Variants in VPS54 observed in about 807,000 individuals in gnomAD.
VPS54 encodes vacuolar protein sorting-associated protein 54.
VPS54 carries 45 observed loss-of-function variants against 121.5 expected under a neutral mutation model. That is an observed-to-expected ratio of 0.37 (90% CI 0.29 to 0.47). The LOEUF (loss-of-function observed/expected upper bound fraction) is 0.47. VPS54 is among the 20% of genes least tolerant of loss of function. The pLI, the probability that VPS54 is intolerant of heterozygous loss-of-function variation, is 0.99. For synonymous variants in VPS54, 371 were observed against 385.8 expected, an observed-to-expected ratio of 0.96 and a Z score of 0.45; for missense variants, 1,090 against 1,131.4, an observed-to-expected ratio of 0.96 and a Z score of 0.52.
intron 11 of VPS54, among the ~76,000 whole-genome samples, chr2:63,938,061 T>G (rs148749462): frequency 8.4e-6 from 1 of 119,256 alleles, no homozygotes; most frequent in Non-Finnish European, 2.0e-5. Context: ...GTGTGTGTGG[T>G]GTGTGTGTGT....
chr2:63,935,726 A>G (rs1674424077), intron 11 of VPS54, among the ~76,000 whole-genome samples: 1 of 152,156 alleles, frequency 6.6e-6, no homozygotes, highest in Non-Finnish European at 1.5e-5. Context: ...ATGAGAAGAA[A>G]ATCCAGATTT....
At chr2:63,916,431 G>A (rs1367313026) in intron 16 of VPS54, among the ~76,000 whole-genome samples, 1 of 152,112 alleles carries the variant, frequency 6.6e-6, no homozygotes, top group Admixed American at 6.5e-5. Flanking sequence ...CTTATTAGGT[G>A]CTAGACCTGT....
At chr2:63,964,216 T>G (rs536780289) in intron 6 of VPS54, among the ~76,000 whole-genome samples, 3 of 152,176 alleles carry the variant, frequency 2.0e-5, no homozygotes, top group African/African-American at 7.2e-5. Flanking sequence ...GGAGTCAGAA[T>G]GTAAATATAG....
chr2:63,979,475 A>G (rs557662230), intron 3 of VPS54, among the ~76,000 whole-genome samples: 2 of 152,182 alleles, frequency 1.3e-5, no homozygotes, highest in East Asian at 3.9e-4. Flanking sequence ...TCCTGACCTC[A>G]GGTGATCCAC....
At chr2:64,018,491 G>A (rs1462906559) in intron 1 of VPS54, among the ~76,000 whole-genome samples, 1 of 152,164 alleles carries the variant, frequency 6.6e-6, no homozygotes, top group African/African-American at 2.4e-5. Context: ...GCAAAATACT[G>A]AGTAACTCTT....
At chr2:63,930,147 A>G (rs968279028) in intron 12 of VPS54, among the ~76,000 whole-genome samples, 2 of 152,076 alleles carry the variant, frequency 1.3e-5, no homozygotes, top group African/African-American at 2.4e-5. Context: ...GAGGGAATCC[A>G]CCCTAACTCA....
At chr2:63,998,380 A>G (rs1677707664) in intron 1 of VPS54, among the ~76,000 whole-genome samples, 1 of 152,142 alleles carries the variant, frequency 6.6e-6, no homozygotes, top group Non-Finnish European at 1.5e-5. Flanking sequence ...ATGTCTTGTG[A>G]TTGGAGAGTT....
chr2:63,909,417 T>C (rs77720564), intron 20 of VPS54, among the ~76,000 whole-genome samples: 1 of 71,378 alleles, frequency 1.4e-5, no homozygotes, highest in Non-Finnish European at 3.5e-5. Flanking sequence ...AGCTGCCTTT[T>C]TTTTTTTTTT....
chr2:63,992,497 G>A lies in VPS54; in HGVS notation c.-20-8478C>T, dbSNP rs35909875. 9.1e-3 allele frequency among the ~76,000 whole-genome samples: 1,383 copies of A among 152,256 alleles called. 12 individuals are homozygous for A. The highest frequency in any genetic ancestry group is 0.012 in the Non-Finnish European group (841 of 68,028). ...GGTTTAGGTTATCCTTTTTAATGGCGGCCACTGCCACGCCTCCTGATCCTA... is the reference window on the plus strand; with the variant it reads ...GGTTTAGGTTATCCTTTTTAATGGCAGCCACTGCCACGCCTCCTGATCCTA... On this transcript the variant is annotated intron_variant, in intron 1 of 22. Coordinates refer to ENST00000272322, the MANE Select transcript of VPS54 (RefSeq NM_016516.3).
intron 1 of VPS54, among the ~76,000 whole-genome samples, chr2:63,996,722 G>C (rs1677613821): frequency 6.6e-6 from 1 of 152,160 alleles, no homozygotes; most frequent in Non-Finnish European, 1.5e-5. Flanking sequence ...CTCTGGGAGT[G>C]TCTGCCTTAT....
intron 3 of VPS54, among the ~76,000 whole-genome samples, chr2:63,977,859 C>T (rs1048395818): frequency 6.6e-6 from 1 of 152,180 alleles, no homozygotes; most frequent in Non-Finnish European, 1.5e-5. Context: ...AAGAGTTAGG[C>T]TTTATTTACT....
chr2:63,944,686 T>A, intron 9 of VPS54, 31 bp from the exon 10 acceptor site: 1 of 1,556,876 alleles, frequency 6.4e-7, no homozygotes, highest in Non-Finnish European at 8.8e-7. Flanking sequence ...CAAAAACAAT[T>A]TGATTAATTG....
At position 63,991,481 on chromosome 2, in the gene VPS54, C is replaced by T. The variant is rs555101138; in HGVS notation, c.-20-7462G>A. Among the ~76,000 whole-genome samples, 14 of 152,254 alleles carry T rather than the reference C, an allele frequency of 9.2e-5. 2 individuals are homozygous for T. The South Asian group carries it at 2.5e-3, about 27-fold the overall frequency. ...TCTGTGGGCACGGGCCATGAAGGAC[C>T]AATCAAACTGGCCCCACTAATTCTT... On this transcript the variant is annotated intron_variant, in intron 1 of 22. Coordinates refer to ENST00000272322, the MANE Select transcript of VPS54 (RefSeq NM_016516.3).
chr2:63,893,217 CAGTT>C lies in VPS54; in HGVS notation c.*209_*212del, dbSNP rs762717850. On this transcript the variant is annotated 3_prime_UTR_variant, in exon 23 of 23. Transcript: ENST00000272322. Reference sequence around the variant, plus strand: ...ATGAAAAATGTTATAGACACCTGATCAGTTACTCCTCACTGTAGGATGCACAAAA... The same window carrying C: ...ATGAAAAATGTTATAGACACCTGATCACTCCTCACTGTAGGATGCACAAAA... 9.0e-5 allele frequency: 55 copies of C among 613,050 alleles called. No homozygotes were observed. Among genetic ancestry groups the C allele is most frequent in the Non-Finnish European group, 1.5e-4 (51 of 339,334 alleles). The allele number at this position is 613,050 out of a possible 1,614,324, so 38.0% of individuals were successfully genotyped here.
Position 63,893,506 on chromosome 2 carries a change from G to C in VPS54, c.2858C>G (p.Thr953Ser), listed in dbSNP as rs371548391. ...GLVTADVAFYTGNLQALKGLK... is the reference protein window; with the variant it reads ...GLVTADVAFYSGNLQALKGLK... Reference sequence around the variant, plus strand: ...GCCTTTTAAGGCTTGAAGATTTCCAGTGTAAAAAGCTACATCTGCTGTGAC... The same window carrying C: ...GCCTTTTAAGGCTTGAAGATTTCCACTGTAAAAAGCTACATCTGCTGTGAC... The change falls in exon 23 of 23, where the codon ACT (threonine) becomes AGT (serine). Residue 953 changes from threonine to serine, a missense_variant. Physicochemically the swap from Thr to Ser is moderately conservative, Grantham distance 58. Coordinates refer to ENST00000272322, the MANE Select transcript of VPS54 (RefSeq NM_016516.3). 11 of 1,613,848 alleles carry C rather than the reference G, an allele frequency of 6.8e-6. No homozygotes were observed. The highest frequency in any genetic ancestry group is 9.3e-6 in the Non-Finnish European group (11 of 1,179,956).
intron 1 of VPS54, 112 bp from the exon 2 acceptor site, chr2:63,984,131 T>C: frequency 2.2e-6 from 2 of 930,008 alleles, no homozygotes; most frequent in East Asian, 2.8e-5. Context: ...TACCTCAAAG[T>C]AGGCAATTTG....
At chr2:63,920,676 G>C in intron 13 of VPS54, 49 bp from the exon 14 acceptor site, 1 of 1,138,580 alleles carries the variant, frequency 8.8e-7, no homozygotes, top group African/African-American at 1.6e-5. Flanking sequence ...ACCAAATTGA[G>C]TTATGAAACC....
chr2:63,927,140 C>A (rs186842355), intron 12 of VPS54, among the ~76,000 whole-genome samples: 1 of 152,170 alleles, frequency 6.6e-6, no homozygotes, highest in African/African-American at 2.4e-5. Flanking sequence ...CCTGAGAGCT[C>A]TGAAGAGAGC....
rs1312969372 is a variant in VPS54, at chr2:63,970,313, A to ATAT, written c.458-1323_458-1322insATA. On this transcript the variant is annotated intron_variant, in intron 4 of 22. Coordinates refer to ENST00000272322, the MANE Select transcript of VPS54 (RefSeq NM_016516.3). ...TATATAGATATATATAGATATAGAT[A>ATAT]AAACCCAGGCCAGGACCAGGTTGAG... Among the ~76,000 whole-genome samples the ATAT allele has an allele frequency of 4.7e-5, 7 of 148,208 alleles. No homozygotes were observed. The South Asian group carries it at 8.4e-4, about 18-fold the overall frequency.
Sources: gnomAD v4.1 joint callset for allele counts (sites outside exome capture counted in the v4.1 genomes callset) on GRCh38, gnomAD v4.1.1 for gene constraint, MANE v1.5 for transcripts, NCBI Gene and HGNC (gene_info 2026-07-23, HGNC 2026-07-21) for gene names.